Variants in SYT1 observed in about 807,000 individuals in gnomAD.
SYT1 encodes synaptotagmin-1.
Under a neutral mutation model 44.8 loss-of-function variants are expected in SYT1, and 8 were observed. The observed-to-expected ratio is 0.18, with a 90% CI of 0.10 to 0.32. The LOEUF (loss-of-function observed/expected upper bound fraction) is 0.32, where lower values mean the gene tolerates loss of function less well. Among genes scored for constraint, SYT1 ranks in the 10% least tolerant of loss-of-function variants. The pLI is 1.00. For missense variants in SYT1, 286 were observed against 509.3 expected, an observed-to-expected ratio of 0.56 and a Z score of 4.22; for synonymous variants, 154 against 188.8, an observed-to-expected ratio of 0.82 and a Z score of 1.51.
At chr12:79,031,923 A>AAT (rs1191030589) in intron 2 of SYT1, among the ~76,000 whole-genome samples, 1 of 151,158 alleles carries the variant, frequency 6.6e-6, no homozygotes, top group African/African-American at 2.4e-5. Flanking sequence ...CCTTTGTGAA[A>AAT]ATATATATAT....
At chr12:78,909,419 C>G (rs749830245) in intron 1 of SYT1, among the ~76,000 whole-genome samples, 27 of 151,272 alleles carry the variant, frequency 1.8e-4, no homozygotes, top group Non-Finnish European at 1.6e-4. Flanking sequence ...CCTTTTTGCT[C>G]TTAAGATTCT....
In SYT1 at chr12:78,887,643, G is replaced by A. The variant is rs993399216; in HGVS notation, c.-217+22534G>A. On this transcript the variant is annotated intron_variant, in intron 1 of 10. Coordinates refer to ENST00000261205, the MANE Select transcript of SYT1 (RefSeq NM_005639.3). ...ACGGATAAGGGAGGATTTCTGTAACGTAATTGCTTTTGTATATTATCTTCC... is the reference window on the plus strand; with the variant it reads ...ACGGATAAGGGAGGATTTCTGTAACATAATTGCTTTTGTATATTATCTTCC... Among the ~76,000 whole-genome samples, 7 of 151,826 alleles carry A rather than the reference G, an allele frequency of 4.6e-5. No homozygotes were observed. In the South Asian group the frequency reaches 6.2e-4, roughly 13 times the overall value.
At chr12:79,307,361 T>C (rs1249476037) in intron 8 of SYT1, among the ~76,000 whole-genome samples, 1 of 152,350 alleles carries the variant, frequency 6.6e-6, no homozygotes, top group East Asian at 1.9e-4. Flanking sequence ...TTTTAAATAC[T>C]GTAAATTAAT....
intron 3 of SYT1, among the ~76,000 whole-genome samples, chr12:79,197,900 A>G (rs989682363): frequency 6.6e-6 from 1 of 152,188 alleles, no homozygotes; most frequent in African/African-American, 2.4e-5. Context: ...TTTTTTCTAA[A>G]AAACTCTGGA....
At chr12:79,304,764 A>T (rs1880310077) in intron 8 of SYT1, among the ~76,000 whole-genome samples, 1 of 152,052 alleles carries the variant, frequency 6.6e-6, no homozygotes, top group Admixed American at 6.6e-5. Context: ...TCATGCCTAG[A>T]ATATTTGTTG....
chr12:79,240,633 G>C (rs1876448994), intron 4 of SYT1, among the ~76,000 whole-genome samples: 1 of 152,150 alleles, frequency 6.6e-6, no homozygotes, highest in Non-Finnish European at 1.5e-5. Context: ...CCAGGTTGGA[G>C]ACACGGTTCC....
rs1397358630 is a variant in SYT1 at position 79,027,177 on chromosome 12, G to C, written c.-83-20120G>C. 3.3e-5 allele frequency among the ~76,000 whole-genome samples: 5 copies of C among 151,446 alleles called. No homozygotes were observed. The Admixed American group carries it at 3.3e-4, about 10-fold the overall frequency. ...CTTCTCTCCAGGAAGTTTCTTACCT[G>C]GATCCTCAGCTGAATGTCTTTCTCA... On this transcript the variant is annotated intron_variant, in intron 2 of 10. Transcript: ENST00000261205.
At chr12:79,012,610 G>A (rs763111944) in intron 2 of SYT1, among the ~76,000 whole-genome samples, 4 of 152,106 alleles carry the variant, frequency 2.6e-5, no homozygotes, top group Admixed American at 6.6e-5. Flanking sequence ...ATGTGGTCAC[G>A]TCACCATTAT....
intron 8 of SYT1, among the ~76,000 whole-genome samples, chr12:79,314,035 A>G (rs1049582138): frequency 7.3e-5 from 11 of 150,188 alleles, no homozygotes; most frequent in East Asian, 3.9e-4. Context: ...CGGGCGTGGT[A>G]GCGGGCGCCT....
intron 1 of SYT1, among the ~76,000 whole-genome samples, chr12:78,942,072 C>G (rs557447683): frequency 5.8e-4 from 89 of 152,288 alleles, no homozygotes; most frequent in South Asian, 2.9e-3. Context: ...TTCAATATGC[C>G]AACCTCCTCT....
intron 3 of SYT1, among the ~76,000 whole-genome samples, chr12:79,155,311 C>A (rs1001716888): frequency 1.3e-5 from 2 of 152,164 alleles, no homozygotes; most frequent in African/African-American, 4.8e-5. Flanking sequence ...ATTATAGAGG[C>A]TCTGTCTCTG....
chr12:79,382,486 T>A (rs1884264509), intron 9 of SYT1, among the ~76,000 whole-genome samples: 1 of 152,050 alleles, frequency 6.6e-6, no homozygotes, highest in Admixed American at 6.6e-5. Context: ...GGGCAATGAT[T>A]TTTTCCCCTT....
At chr12:79,237,759 C>T (rs1876273060) in intron 4 of SYT1, among the ~76,000 whole-genome samples, 1 of 152,174 alleles carries the variant, frequency 6.6e-6, no homozygotes, top group South Asian at 2.1e-4. Context: ...TCATCATCAC[C>T]ATTCCCATCA....
intron 3 of SYT1, among the ~76,000 whole-genome samples, chr12:79,149,229 A>C (rs1188882582): frequency 1.3e-5 from 2 of 152,054 alleles, no homozygotes; most frequent in African/African-American, 2.4e-5. Context: ...TAACCTAAAA[A>C]GATGTTATTA....
intron 1 of SYT1, among the ~76,000 whole-genome samples, chr12:78,884,858 A>G (rs1031146724): frequency 1.3e-5 from 2 of 151,904 alleles, no homozygotes; most frequent in African/African-American, 4.8e-5. Flanking sequence ...AAAAGTGTTT[A>G]TAAAATTTGG....
intron 1 of SYT1, among the ~76,000 whole-genome samples, chr12:78,918,233 G>C (rs1456727782): frequency 6.6e-6 from 1 of 152,036 alleles, no homozygotes; most frequent in Non-Finnish European, 1.5e-5. Context: ...CACCATACAT[G>C]CTCTGAGTGG....
chr12:79,381,972 T>TA (rs1565934476), intron 9 of SYT1, among the ~76,000 whole-genome samples: 1 of 152,218 alleles, frequency 6.6e-6, no homozygotes, highest in African/African-American at 2.4e-5. Flanking sequence ...GATAGGTTTT[T>TA]ACGTGAGAAT....
At chr12:79,365,077 C>T (rs1774087026) in intron 9 of SYT1, among the ~76,000 whole-genome samples, 1 of 152,028 alleles carries the variant, frequency 6.6e-6, no homozygotes, top group Non-Finnish European at 1.5e-5. Flanking sequence ...CTCAAATCAG[C>T]CCCCTCTAAT....
intron 2 of SYT1, among the ~76,000 whole-genome samples, chr12:79,028,853 T>C (rs1872677282): frequency 6.6e-6 from 1 of 151,328 alleles, no homozygotes. Flanking sequence ...TGACCTTGTC[T>C]CAAGAGCAAT....
Sources: gnomAD v4.1 joint callset for allele counts (sites outside exome capture counted in the v4.1 genomes callset) on GRCh38, gnomAD v4.1.1 for gene constraint, MANE v1.5 for transcripts, NCBI Gene and HGNC (gene_info 2026-07-23, HGNC 2026-07-21) for gene names.